ESYT3: variants seen among roughly 807,000 people sequenced by gnomAD.
ESYT3 encodes extended synaptotagmin-3.
ESYT3 carries 101 observed loss-of-function variants against 111.5 expected under a neutral mutation model. The observed-to-expected ratio is 0.91, with a 90% CI of 0.77 to 1.07. The LOEUF is 1.07. ESYT3 is among the 50% of genes least tolerant of loss of function. The pLI is 0.00. For missense variants in ESYT3, 1,097 were observed against 1,109.4 expected, an observed-to-expected ratio of 0.99 and a Z score of 0.16; for synonymous variants, 416 against 446.8, an observed-to-expected ratio of 0.93 and a Z score of 0.87.
rs551744395 is a variant in ESYT3 at position 138,440,232 on chromosome 3, G to A, written c.327+5107G>A. Among the ~76,000 whole-genome samples the A allele has an allele frequency of 1.3e-5, 2 of 152,332 alleles. No homozygotes were observed. Among genetic ancestry groups the A allele is most frequent in the East Asian group, 1.9e-4 (1 of 5,182 alleles). On this transcript the variant is annotated intron_variant, in intron 1 of 22. Coordinates refer to ENST00000389567, the MANE Select transcript of ESYT3 (RefSeq NM_031913.5). This position sits in a 1 kb window ranked among gnomAD's most constrained non-coding sequence, Gnocchi z 4.2. Reference sequence around the variant, plus strand: ...AAGCACCAGGGGAAAAAGGTGAGCCGTTCACACAAAGCGATGGGCATTCTG... The same window carrying A: ...AAGCACCAGGGGAAAAAGGTGAGCCATTCACACAAAGCGATGGGCATTCTG...
intron 1 of ESYT3, among the ~76,000 whole-genome samples, chr3:138,448,281 AAAAAAAAAAAAAT>A (rs1357989048): frequency 1.3e-5 from 2 of 150,686 alleles, no homozygotes; most frequent in Non-Finnish European, 3.0e-5. Flanking sequence ...AAAAAAAAAA[AAAAAAAAAAAAAT>A]GCAGGGGAGG....
intron 3 of ESYT3, 38 bp from the exon 4 acceptor site, chr3:138,457,530 A>G (rs557651104): frequency 1.2e-6 from 2 of 1,604,282 alleles, no homozygotes; most frequent in African/African-American, 2.7e-5. Flanking sequence ...CCCTGCTACA[A>G]GAAGCCTCTG....
At chr3:138,447,012 G>A (rs1381374570) in intron 1 of ESYT3, among the ~76,000 whole-genome samples, 1 of 152,180 alleles carries the variant, frequency 6.6e-6, no homozygotes, top group African/African-American at 2.4e-5. Context: ...TCCAGCCTGG[G>A]TGACACAGTG....
Position 138,440,534 on chromosome 3 carries a change from A to C in ESYT3, c.327+5409A>C, listed in dbSNP as rs1459382372. On this transcript the variant is annotated intron_variant, in intron 1 of 22. Coordinates refer to ENST00000389567, the MANE Select transcript of ESYT3 (RefSeq NM_031913.5). The surrounding 1 kb of genome is among the most constrained non-coding windows in gnomAD (Gnocchi z 4.2). ...CTGATGCTTGGAGCCAGGGCCGTGGAACCTGATTTTAAACATCAGGACTGG... is the reference window on the plus strand; with the variant it reads ...CTGATGCTTGGAGCCAGGGCCGTGGCACCTGATTTTAAACATCAGGACTGG... Among the ~76,000 whole-genome samples the C allele has an allele frequency of 5.9e-5, 9 of 152,326 alleles. No homozygotes were observed. The highest frequency in any genetic ancestry group is 3.3e-4 in the Admixed American group (5 of 15,306).
At chr3:138,476,558 C>T (rs753650401) in intron 22 of ESYT3, 66 bp downstream of exon 22, 18 of 1,489,208 alleles carry the variant, frequency 1.2e-5, no homozygotes, top group Non-Finnish European at 1.7e-5. Flanking sequence ...CTTTTCAGTA[C>T]TGTTTCAGCT....
chr3:138,456,216 G>A (rs537427895), intron 3 of ESYT3, among the ~76,000 whole-genome samples: 3 of 152,356 alleles, frequency 2.0e-5, no homozygotes, highest in African/African-American at 7.2e-5. Flanking sequence ...TCATTCACCT[G>A]TGACTTATTG....
chr3:138,437,018 G>C (rs1195514393), intron 1 of ESYT3, among the ~76,000 whole-genome samples: 2 of 152,046 alleles, frequency 1.3e-5, no homozygotes, highest in African/African-American at 2.4e-5. Context: ...ACAGACCCCA[G>C]GAGCAATATG....
rs16848155 is a variant in ESYT3, at chr3:138,479,751, C to A, written c.*2897C>A. 14,152 of 152,192 alleles carry A rather than the reference C, an allele frequency of 0.093. 864 individuals carry two copies. Among genetic ancestry groups the A allele is most frequent in the African/African-American group, 0.17 (7,113 of 41,492 alleles). The allele number at this position is 152,192 out of a possible 1,614,324, so 9.4% of individuals were successfully genotyped here. On this transcript the variant is annotated 3_prime_UTR_variant, in exon 23 of 23. Coordinates refer to ENST00000389567, the MANE Select transcript of ESYT3 (RefSeq NM_031913.5). ...GGTTGCATGGTCCTATGGCTGCCAG[C>A]GGAAATCTAAATCTCAGCCTGGTAG...
chr3:138,472,305 G>A, intron 17 of ESYT3, 58 bp from the exon 18 acceptor site: 1 of 1,571,968 alleles, frequency 6.4e-7, no homozygotes, highest in Non-Finnish European at 8.6e-7. Context: ...GGGAAACAAT[G>A]GCTGAGGTTG....
intron 4 of ESYT3, 39 bp downstream of exon 4, chr3:138,457,683 G>T: frequency 6.3e-7 from 1 of 1,592,266 alleles, no homozygotes; most frequent in Non-Finnish European, 8.6e-7. Context: ...TCGGGGTGCA[G>T]GGGACACAGT....
chr3:138,474,433 G>A, intron 20 of ESYT3, 81 bp downstream of exon 20: 2 of 1,473,420 alleles, frequency 1.4e-6, no homozygotes, highest in Non-Finnish European at 9.1e-7. Context: ...CTGGCAGCCT[G>A]CCAGATGCTG....
At chr3:138,474,030 C>T (rs2033367773) in intron 19 of ESYT3, among the ~76,000 whole-genome samples, 191 bp from the exon 20 acceptor site, 1 of 152,238 alleles carries the variant, frequency 6.6e-6, no homozygotes, top group Admixed American at 6.5e-5. Context: ...ATTCTACAGG[C>T]TATTACTTTT....
rs369015926 is a variant in ESYT3, at chr3:138,455,295, C to A, written c.471C>A (p.Thr157=). ...GAGAGAAGAGCATCCACCTGAGGAC[C>A]TTTACCTTTACCAAGCTCTACTTTG... ...KIREKSIHLR[T]FTFTKLYFGQ... Residue 157 remains threonine, a synonymous_variant, in exon 3 of 23, where the codon ACC becomes ACA. Transcript: ENST00000389567. 6.2e-7 allele frequency: 1 copy of A among 1,614,132 alleles called. No individual in the cohort carries two copies. The highest frequency in any genetic ancestry group is 8.5e-7 in the Non-Finnish European group (1 of 1,180,014).
rs1228798617 is a variant in ESYT3 at position 138,476,315 on chromosome 3, A to G, written c.2561A>G (p.Lys854Arg). The G allele has an allele frequency of 1.9e-6, 3 of 1,613,012 alleles. No individual in the cohort carries two copies. The African/African-American group carries it at 4.0e-5, about 22-fold the overall frequency. ...AGGCCACTTGGCTCACACAGAAGAA[A>G]GGAGTTAGGAAAAGTAAGTACAAGA... Reference protein sequence around the residue: ...NSRPLGSHRRKELGKVLIDLS... With the variant: ...NSRPLGSHRRRELGKVLIDLS... Residue 854 changes from lysine to arginine, a missense_variant, in exon 21 of 23, where the codon AAG becomes AGG. Coordinates refer to ENST00000389567, the MANE Select transcript of ESYT3 (RefSeq NM_031913.5).
intron 1 of ESYT3, among the ~76,000 whole-genome samples, chr3:138,449,086 T>C (rs552419432): frequency 1.5e-3 from 209 of 143,064 alleles, no homozygotes; most frequent in Non-Finnish European, 1.3e-3. Context: ...CTTTTTCTTT[T>C]TTTTTTTTTT....
intron 1 of ESYT3, among the ~76,000 whole-genome samples, chr3:138,451,126 G>A (rs754089008): frequency 3.3e-5 from 5 of 152,232 alleles, no homozygotes; most frequent in African/African-American, 4.8e-5. Flanking sequence ...TCAGAATTAT[G>A]TCATGCACAG....
intron 2 of ESYT3, 130 bp from the exon 3 acceptor site, chr3:138,455,064 T>G: frequency 1.0e-6 from 1 of 1,002,094 alleles, no homozygotes; most frequent in Non-Finnish European, 1.5e-6. Context: ...GGCAAGCAGG[T>G]GAGTGCTGCA....
intron 19 of ESYT3, 137 bp from the exon 20 acceptor site, chr3:138,474,084 A>G: frequency 8.7e-7 from 1 of 1,149,680 alleles, no homozygotes; most frequent in Non-Finnish European, 1.2e-6. Flanking sequence ...AGCGTATCTA[A>G]TGCTGAATGG....
At chr3:138,470,019 C>T (rs1390709634) in intron 15 of ESYT3, 41 bp from the exon 16 acceptor site, 2 of 1,575,876 alleles carry the variant, frequency 1.3e-6, no homozygotes, top group Non-Finnish European at 1.7e-6. Flanking sequence ...CAGCTCTGCC[C>T]AACCTAACCC....
Sources: allele counts gnomAD v4.1 joint callset (sites outside exome capture counted in the v4.1 genomes callset), GRCh38; gene constraint gnomAD v4.1.1; non-coding constraint Gnocchi (gnomAD v3.1); transcripts MANE v1.5; gene names NCBI Gene and HGNC (gene_info 2026-07-23, HGNC 2026-07-21).